Variants in TBCE observed in about 807,000 individuals in gnomAD.
The protein encoded by TBCE is tubulin folding cofactor E.
In TBCE, 53 loss-of-function variants were observed where a neutral mutation model predicts 77.0. That is an observed-to-expected ratio of 0.69 (90% CI 0.55 to 0.87). The LOEUF (loss-of-function observed/expected upper bound fraction) is 0.87. TBCE is among the 40% of genes least tolerant of loss of function. The probability of loss-of-function intolerance (pLI) is 0.00; values close to 1 mark genes in which losing one functional copy is unlikely to be tolerated. For missense variants in TBCE, 624 were observed against 622.4 expected (o/e 1.00, Z -0.03); for synonymous variants, 235 against 241.3 (o/e 0.97, Z 0.24).
intron 3 of TBCE, among the ~76,000 whole-genome samples, chr1:235,412,448 T>C (rs1021975148): frequency 6.6e-6 from 1 of 151,060 alleles, no homozygotes; most frequent in African/African-American, 2.4e-5. Context: ...CAGGCTGGTC[T>C]CAAACTCCTG....
Position 235,448,927 on chromosome 1 carries a change from G to C in TBCE, c.*165G>C, listed in dbSNP as rs1682698096. 1.6e-6 allele frequency: 1 copy of C among 613,754 alleles called. No individual in the cohort carries two copies. The highest frequency in any genetic ancestry group is 1.8e-5 in the African/African-American group (1 of 54,074). 38.0% of individuals were successfully genotyped at this position (613,754 alleles called of 1,614,324 possible). A position where few individuals can be genotyped will look rare whatever the true frequency, so the allele number is the denominator to read the frequency against. Reference sequence around the variant, plus strand: ...TTTGTTGGGAAGTGACCATTTCTAGGCTTATACATAATAGCAATAATAAAG... The same window carrying C: ...TTTGTTGGGAAGTGACCATTTCTAGCCTTATACATAATAGCAATAATAAAG... On this transcript the variant is annotated 3_prime_UTR_variant, in exon 17 of 17. Coordinates refer to ENST00000642610, the MANE Select transcript of TBCE (RefSeq NM_003193.5).
chr1:235,381,330 T>C (rs959660611), intron 2 of TBCE, among the ~76,000 whole-genome samples: 1 of 152,072 alleles, frequency 6.6e-6, no homozygotes, highest in Non-Finnish European at 1.5e-5. Context: ...GCCCCATAGT[T>C]CTTGAAACAT....
intron 1 of TBCE, among the ~76,000 whole-genome samples, chr1:235,375,723 T>C (rs1478904278): frequency 6.6e-6 from 1 of 152,090 alleles, no homozygotes; most frequent in Non-Finnish European, 1.5e-5. Context: ...TTAGAAACGT[T>C]CAGAGACTAG....
chr1:235,400,502 G>A (rs931217307), intron 2 of TBCE, among the ~76,000 whole-genome samples: 26 of 143,474 alleles, frequency 1.8e-4, no homozygotes, highest in African/African-American at 6.3e-4. Context: ...CCGGGTTCAC[G>A]CCGTTCTCCT....
intron 2 of TBCE, among the ~76,000 whole-genome samples, chr1:235,400,001 T>G (rs908456248): frequency 5.9e-5 from 9 of 152,212 alleles, no homozygotes; most frequent in African/African-American, 2.2e-4. Context: ...GAGTTTTAAC[T>G]TATGCAGTAG....
intron 4 of TBCE, among the ~76,000 whole-genome samples, chr1:235,418,784 C>T (rs956255067): frequency 3.3e-5 from 5 of 151,978 alleles, no homozygotes; most frequent in Non-Finnish European, 7.3e-5. Context: ...GAAGGCTCTG[C>T]GGAGTAGAAT....
chr1:235,425,012 G>T (rs1680626859), intron 5 of TBCE, among the ~76,000 whole-genome samples: 1 of 152,152 alleles, frequency 6.6e-6, no homozygotes, highest in Non-Finnish European at 1.5e-5. Flanking sequence ...TCTGGTTGCA[G>T]ACTGTTGGGT....
In TBCE at chr1:235,451,469, T is replaced by A. The variant is rs1572476869; in HGVS notation, c.*2707T>A. The A allele has an allele frequency of 2.4e-5, 2 of 84,912 alleles. No homozygotes were observed. Among genetic ancestry groups the A allele is most frequent in the African/African-American group, 4.9e-5 (1 of 20,452 alleles). The allele number at this position is 84,912 out of a possible 1,614,324, so 5.3% of individuals were successfully genotyped here. On this transcript the variant is annotated 3_prime_UTR_variant, in exon 17 of 17. Transcript: ENST00000642610. Reference sequence around the variant, plus strand: ...CTCAGTTTCCAAAGACATGAGATGGTCACAAAAAAAAAAAAAAAAAAAAGA... The same window carrying A: ...CTCAGTTTCCAAAGACATGAGATGGACACAAAAAAAAAAAAAAAAAAAAGA...
chr1:235,436,449 TG>T lies in TBCE; in HGVS notation c.898+1del. The T allele has an allele frequency of 6.2e-7, 1 of 1,613,960 alleles. No individual in the cohort carries two copies. The highest frequency in any genetic ancestry group is 8.5e-7 in the Non-Finnish European group (1 of 1,179,832). Reference sequence around the variant, plus strand: ...CTCTACATTTTCCGGATGCTGGAATTGGTATATAAGATTAGTAAAGTTCCCC... The same window carrying T: ...CTCTACATTTTCCGGATGCTGGAATTGTATATAAGATTAGTAAAGTTCCCC... ...SSLHFPDAGI[G>X]CKTSMFPSLK... On this transcript the variant is annotated frameshift_variant and splice_region_variant, in exon 10 of 17. Transcript: ENST00000642610. LOFTEE classifies it high-confidence loss of function.
At position 235,414,451 on chromosome 1, in the gene TBCE, C is replaced by T; in HGVS notation, c.204C>T (p.Ser68=). 1 of 1,613,712 alleles carries T rather than the reference C, an allele frequency of 6.2e-7. No individual in the cohort carries two copies. Among genetic ancestry groups the T allele is most frequent in the Non-Finnish European group, 8.5e-7 (1 of 1,179,976 alleles). ...TTACCAGGCACCCGACAGGAGGATCCTTTATTCGTCCGAACAAGGTAAATT... is the reference window on the plus strand; with the variant it reads ...TTACCAGGCACCCGACAGGAGGATCTTTTATTCGTCCGAACAAGGTAAATT... ...YFKCRHPTGG[S]FIRPNKVNFG... The change falls in exon 4 of 17, where the codon TCC becomes TCT. Residue 68 remains serine (S), a synonymous_variant. Coordinates refer to ENST00000642610, the MANE Select transcript of TBCE (RefSeq NM_003193.5).
At chr1:235,403,657 T>C (rs1679252141) in intron 3 of TBCE, among the ~76,000 whole-genome samples, 1 of 152,206 alleles carries the variant, frequency 6.6e-6, no homozygotes, top group South Asian at 2.1e-4. Flanking sequence ...AAATCAAGAA[T>C]TGCTTCAAGT....
intron 2 of TBCE, among the ~76,000 whole-genome samples, chr1:235,396,757 C>G (rs1055661649): frequency 1.3e-5 from 2 of 152,044 alleles, no homozygotes; most frequent in Admixed American, 6.6e-5. Context: ...TTTCATGTAC[C>G]TGCTTGCCAT....
intron 15 of TBCE, among the ~76,000 whole-genome samples, chr1:235,446,613 AT>A (rs1376110118): frequency 6.6e-6 from 1 of 152,158 alleles, no homozygotes; most frequent in African/African-American, 2.4e-5. Context: ...TAAGACAGTC[AT>A]GTTACTATAT....
chr1:235,432,861 T>C (rs1242739134), intron 7 of TBCE: 1 of 535,370 alleles, frequency 1.9e-6, no homozygotes, highest in Non-Finnish European at 2.5e-6. Context: ...GTAGATGCTA[T>C]ATATATATTA....
At chr1:235,418,636 A>G (rs1301908111) in intron 4 of TBCE, 2 of 152,262 alleles carry the variant, frequency 1.3e-5, no homozygotes, top group Non-Finnish European at 2.9e-5. Context: ...TGTCAGCAGA[A>G]GAGTATGTAC....
rs1213920862 is a variant in TBCE at position 235,394,840 on chromosome 1, G to C, written c.101-6663G>C. On this transcript the variant is annotated intron_variant, in intron 2 of 16. Coordinates refer to ENST00000642610, the MANE Select transcript of TBCE (RefSeq NM_003193.5). ...TGATCGTCCCACCTCAGTCTCCTGA[G>C]TAGTTGGGATTACAGGCACTAGCCA... Among the ~76,000 whole-genome samples the C allele has an allele frequency of 2.6e-5, 4 of 152,074 alleles. No homozygotes were observed. The South Asian group carries it at 6.2e-4, about 24-fold the overall frequency.
At chr1:235,374,201 C>T (rs1485405721) in intron 1 of TBCE, among the ~76,000 whole-genome samples, 3 of 145,282 alleles carry the variant, frequency 2.1e-5, no homozygotes, top group Non-Finnish European at 4.5e-5. Context: ...GATAATCCAC[C>T]CTCCTCGGCC....
chr1:235,410,471 C>T (rs1056885536), intron 3 of TBCE, among the ~76,000 whole-genome samples: 1 of 152,024 alleles, frequency 6.6e-6, no homozygotes, highest in Non-Finnish European at 1.5e-5. Flanking sequence ...TGAGGATGAC[C>T]AGAGGTCACT....
chr1:235,432,317 A>G (rs1681154085), intron 7 of TBCE, among the ~76,000 whole-genome samples: 1 of 152,210 alleles, frequency 6.6e-6, no homozygotes, highest in Non-Finnish European at 1.5e-5. Context: ...GGGTGTAGAA[A>G]TACATTCCCA....
Sources: allele counts gnomAD v4.1 joint callset (sites outside exome capture counted in the v4.1 genomes callset), GRCh38; gene constraint gnomAD v4.1.1; transcripts MANE v1.5; gene names NCBI Gene and HGNC (gene_info 2026-07-23, HGNC 2026-07-21).